The following LYRM4 variants were observed in gnomAD, a reference collection of about 807,000 sequenced individuals.
LYRM4 encodes LYR motif-containing protein 4.
A neutral mutation model predicts 11.7 loss-of-function variants in LYRM4; 9 were observed. The ratio of observed to expected loss-of-function variants is 0.77; its 90% CI spans 0.46 to 1.34. The LOEUF is 1.34. LYRM4 is among the 40% of genes most tolerant of loss of function. The pLI, the probability that LYRM4 is intolerant of heterozygous loss-of-function variation, is 0.00. For synonymous variants in LYRM4, 42 were observed against 40.4 expected (o/e 1.04, Z -0.15); for missense variants, 133 against 112.5 (o/e 1.18, Z -0.82).
chr6:5,133,576 G>T (rs1219070757), intron 2 of LYRM4, among the ~76,000 whole-genome samples: 1 of 152,150 alleles, frequency 6.6e-6, no homozygotes, highest in Non-Finnish European at 1.5e-5. Context: ...TTGGTCTGGG[G>T]TGTTTTTATA....
At chr6:5,066,769 T>A in the LYRM4 span, 5 of 742,502 alleles carry the variant, frequency 6.7e-6, 1 homozygote, top group South Asian at 8.0e-5. Context: ...ACGTAACGCT[T>A]AAAGTCTAAG....
At chr6:5,140,809 C>A (rs1757365803) in intron 2 of LYRM4, among the ~76,000 whole-genome samples, 1 of 152,158 alleles carries the variant, frequency 6.6e-6, no homozygotes, top group African/African-American at 2.4e-5. Context: ...AAAGAGGTAA[C>A]ACGAACTGAA....
At chr6:5,035,100 G>A in the LYRM4 span, among the ~76,000 whole-genome samples, 2 of 152,132 alleles carry the variant, frequency 1.3e-5, no homozygotes, top group East Asian at 1.9e-4. Context: ...TGATGAAAAC[G>A]TTGTGACCAG....
At chr6:5,100,985 C>T (rs1035097870), downstream of LYRM4, among the ~76,000 whole-genome samples, 5 of 152,206 alleles carry the variant, frequency 3.3e-5, no homozygotes, top group Non-Finnish European at 5.9e-5. Context: ...AGTCCCCTTA[C>T]GTCTCCGTGC....
chr6:5,104,470 T>A (rs1049433788), downstream of LYRM4: 1 of 152,042 alleles, frequency 6.6e-6, no homozygotes, highest in African/African-American at 2.4e-5. Context: ...AGACAGGGTT[T>A]CACTATGTTG....
At chr6:5,117,440 A>G (rs1274587044) in intron 2 of LYRM4, among the ~76,000 whole-genome samples, 2 of 152,034 alleles carry the variant, frequency 1.3e-5, no homozygotes, top group Non-Finnish European at 2.9e-5. Flanking sequence ...CTGTAATCGC[A>G]GCTACTCGGG....
intron 2 of LYRM4, among the ~76,000 whole-genome samples, chr6:5,123,770 C>T (rs1056040541): frequency 3.3e-5 from 5 of 152,208 alleles, no homozygotes; most frequent in Non-Finnish European, 7.3e-5. Context: ...ACCTGTAGGG[C>T]GAGGACCTCG....
intron 2 of LYRM4, chr6:5,186,581 T>C: frequency 1.0e-6 from 1 of 977,856 alleles, no homozygotes; most frequent in Non-Finnish European, 1.2e-6. Context: ...ATTTAAAAAA[T>C]CTACAAAAGC....
intron 1 of LYRM4, among the ~76,000 whole-genome samples, chr6:5,228,552 A>G (rs1224134336): frequency 6.6e-6 from 1 of 152,118 alleles, no homozygotes; most frequent in Non-Finnish European, 1.5e-5. Flanking sequence ...TGCTGGGATT[A>G]TAGGCTTGAG....
chr6:5,043,739 C>T, the LYRM4 span, among the ~76,000 whole-genome samples: 2 of 152,084 alleles, frequency 1.3e-5, no homozygotes, highest in Non-Finnish European at 2.9e-5. Context: ...AAATACAAAC[C>T]AACCAATCCA....
intron 2 of LYRM4, among the ~76,000 whole-genome samples, chr6:5,143,837 T>A (rs900698717): frequency 8.5e-5 from 13 of 152,238 alleles, no homozygotes; most frequent in Admixed American, 1.3e-4. Context: ...TGTGAGCCAC[T>A]GGCTGCCGGG....
intron 2 of LYRM4, among the ~76,000 whole-genome samples, chr6:5,145,965 T>C (rs140879511): frequency 0.018 from 2,703 of 152,334 alleles, 25 homozygotes; most frequent in Non-Finnish European, 0.028. Context: ...GGTTTCTGCC[T>C]GGACACTATG....
At chr6:5,225,949 C>T (rs1407221182) in intron 1 of LYRM4, among the ~76,000 whole-genome samples, 1 of 152,118 alleles carries the variant, frequency 6.6e-6, no homozygotes, top group African/African-American at 2.4e-5. Context: ...TGATGTCCAC[C>T]ACATTGTCCC....
intron 1 of LYRM4, among the ~76,000 whole-genome samples, chr6:5,233,583 C>A (rs1763368133): frequency 6.6e-6 from 1 of 152,274 alleles, no homozygotes; most frequent in Middle Eastern, 3.4e-3. Flanking sequence ...ATTCAAAGTA[C>A]CTTACTTGAA....
chr6:5,154,793 T>C (rs1226659003), intron 2 of LYRM4, among the ~76,000 whole-genome samples: 1 of 151,944 alleles, frequency 6.6e-6, no homozygotes, highest in Non-Finnish European at 1.5e-5. Context: ...CACTCCAGCC[T>C]GGGCGACAGA....
chr6:5,128,431 G>T (rs1286272167), intron 2 of LYRM4, among the ~76,000 whole-genome samples: 2 of 152,174 alleles, frequency 1.3e-5, no homozygotes, highest in East Asian at 3.9e-4. Flanking sequence ...AGGAGTAAAT[G>T]GAACTACTGG....
intron 2 of LYRM4, among the ~76,000 whole-genome samples, chr6:5,120,766 C>T (rs887193499): frequency 6.6e-6 from 1 of 152,172 alleles, no homozygotes; most frequent in Non-Finnish European, 1.5e-5. Context: ...TTACAGAGCA[C>T]TGATTGGTGC....
At chr6:5,141,051 T>C (rs1016981551) in intron 2 of LYRM4, among the ~76,000 whole-genome samples, 1 of 152,250 alleles carries the variant, frequency 6.6e-6, no homozygotes, top group Non-Finnish European at 1.5e-5. Context: ...TTCTGGATGT[T>C]CAGCTTTTTA....
chr6:5,098,700 G>C (rs59994776), downstream of LYRM4, among the ~76,000 whole-genome samples: 4 of 152,270 alleles, frequency 2.6e-5, no homozygotes, highest in African/African-American at 9.6e-5. Context: ...GGAGGTACAC[G>C]TCCACGCGCC....
Sources: gnomAD v4.1 joint callset for allele counts (sites outside exome capture counted in the v4.1 genomes callset) on GRCh38, gnomAD v4.1.1 for gene constraint, MANE v1.5 for transcripts, NCBI Gene and HGNC (gene_info 2026-07-23, HGNC 2026-07-21) for gene names.